BFAR: variants seen among roughly 807,000 people sequenced by gnomAD.
The protein encoded by BFAR is bifunctional apoptosis regulator, also known as RING finger protein 47.
Under a neutral mutation model 54.4 loss-of-function variants are expected in BFAR, and 52 were observed. The ratio of observed to expected loss-of-function variants is 0.96; its 90% confidence interval spans 0.77 to 1.21. The LOEUF (loss-of-function observed/expected upper bound fraction) is 1.21. Among genes scored for constraint, BFAR ranks in the 50% most tolerant of loss-of-function variants. The pLI is 0.00. For missense variants in BFAR, 571 were observed against 534.0 expected, an observed-to-expected ratio of 1.07 and a Z score of -0.68; for synonymous variants, 215 against 204.3, an observed-to-expected ratio of 1.05 and a Z score of -0.45.
chr16:14,650,660 G>C (rs1041326710), intron 4 of BFAR: 3 of 152,160 alleles, frequency 2.0e-5, no homozygotes, highest in Non-Finnish European at 2.9e-5. Context: ...GACATAACAT[G>C]TATCAGTACT....
chr16:14,651,841 C>CA (rs2151840128), intron 4 of BFAR, among the ~76,000 whole-genome samples: 2 of 149,484 alleles, frequency 1.3e-5, no homozygotes, highest in African/African-American at 4.9e-5. Context: ...GAAAGGAGAG[C>CA]AGGAGGTCAG....
chr16:14,638,310 A>C (rs1959516509), intron 1 of BFAR, among the ~76,000 whole-genome samples: 1 of 152,124 alleles, frequency 6.6e-6, no homozygotes, highest in African/African-American at 2.4e-5. Context: ...TGGAGCCCGA[A>C]AGTTCAAGCC....
intron 1 of BFAR, among the ~76,000 whole-genome samples, chr16:14,634,683 A>G (rs1403316381): frequency 2.0e-5 from 3 of 152,170 alleles, no homozygotes; most frequent in Admixed American, 1.3e-4. Context: ...TTTTTAAAGT[A>G]AACCTCCCAA....
At chr16:14,665,867 C>T (rs117590875) in intron 7 of BFAR, among the ~76,000 whole-genome samples, 5,509 of 152,244 alleles carry the variant, frequency 0.036, 143 homozygotes, top group Non-Finnish European at 0.052. Flanking sequence ...ATAAAGAGAT[C>T]TCATGGGAAA....
intron 7 of BFAR, 99 bp from the exon 8 acceptor site, chr16:14,667,536 C>A: frequency 8.8e-7 from 1 of 1,134,294 alleles, no homozygotes; most frequent in Non-Finnish European, 1.3e-6. Flanking sequence ...GCACGGGCAG[C>A]CATGCTCTTC....
rs780614016 is a variant in BFAR at position 14,644,614 on chromosome 16, T to G, written c.263+5T>G. The G allele has an allele frequency of 6.2e-7, 1 of 1,611,410 alleles. No individual in the cohort carries two copies. Among genetic ancestry groups the G allele is most frequent in the South Asian group, 1.1e-5 (1 of 91,068 alleles). On this transcript the variant is annotated splice_donor_5th_base_variant and intron_variant, in intron 2 of 7. Coordinates refer to ENST00000261658, the MANE Select transcript of BFAR (RefSeq NM_016561.3). ...CAAAGTCAGTATTCTCCTCAGGTAA[T>G]GTTCAGCCTATATTGGTAGCACAAA...
At chr16:14,644,194 A>G in intron 1 of BFAR, 80 bp from the exon 2 acceptor site, 1 of 788,644 alleles carries the variant, frequency 1.3e-6, no homozygotes, top group Non-Finnish European at 2.0e-6. Flanking sequence ...GCGCTTCAAT[A>G]GAATGTCAAT....
chr16:14,646,025 C>T (rs752152527), intron 2 of BFAR, among the ~76,000 whole-genome samples: 18 of 151,990 alleles, frequency 1.2e-4, no homozygotes, highest in East Asian at 1.9e-4. Flanking sequence ...CCTGCTACCA[C>T]GCCCAGCTAA....
rs759712745 is a variant in BFAR at position 14,644,581 on chromosome 16, G to T, written c.235G>T (p.Gly79Cys). The T allele has an allele frequency of 6.8e-6, 11 of 1,613,598 alleles. No individual in the cohort carries two copies. The highest frequency in any genetic ancestry group is 8.5e-6 in the Non-Finnish European group (10 of 1,179,960). ...ECPECREKWE[G>C]FPKVSILLRD... ...TCCAGAATGCAGAGAAAAATGGGAA[G>T]GTTTCCCCAAAGTCAGTATTCTCCT... Residue 79 changes from glycine to cysteine, a missense_variant, in exon 2 of 8, where the codon GGT becomes TGT. Gly to Cys is a radical substitution (Grantham distance 159). Transcript: ENST00000261658.
At chr16:14,659,126 C>T (rs1960211861) in intron 5 of BFAR, among the ~76,000 whole-genome samples, 1 of 152,062 alleles carries the variant, frequency 6.6e-6, no homozygotes, top group South Asian at 2.1e-4. Flanking sequence ...CCAGGCTGAT[C>T]TCAAACTGCT....
intron 1 of BFAR, among the ~76,000 whole-genome samples, chr16:14,636,792 C>G (rs2151834178): frequency 6.6e-6 from 1 of 152,354 alleles, no homozygotes; most frequent in South Asian, 2.1e-4. Flanking sequence ...CTTTCCTAGG[C>G]AGAGGTCCCT....
At chr16:14,655,274 T>A (rs1002753067) in intron 5 of BFAR, 64 bp downstream of exon 5, 19 of 1,144,836 alleles carry the variant, frequency 1.7e-5, no homozygotes, top group Admixed American at 1.5e-4. Flanking sequence ...TAATTTTTTT[T>A]AATTTCAGGG....
chr16:14,634,617 C>G (rs1195325614), intron 1 of BFAR, among the ~76,000 whole-genome samples: 1 of 152,114 alleles, frequency 6.6e-6, no homozygotes, highest in Non-Finnish European at 1.5e-5. Flanking sequence ...TCCCTTGAGC[C>G]CAGGAGACCA....
chr16:14,637,742 T>A (rs532323270), intron 1 of BFAR, among the ~76,000 whole-genome samples: 7 of 151,580 alleles, frequency 4.6e-5, no homozygotes, highest in Admixed American at 1.3e-4. Context: ...GGCAGGAGAA[T>A]CGCTTGAACA....
At chr16:14,640,170 A>AAG (rs796299980) in intron 1 of BFAR, among the ~76,000 whole-genome samples, 16 of 151,226 alleles carry the variant, frequency 1.1e-4, no homozygotes, top group African/African-American at 3.6e-4. Flanking sequence ...AAAAAAGAAG[A>AAG]AGAGAGAGAG....
intron 5 of BFAR, among the ~76,000 whole-genome samples, chr16:14,660,661 G>T (rs1231002886): frequency 1.4e-5 from 2 of 145,856 alleles, no homozygotes; most frequent in African/African-American, 5.0e-5. Context: ...AGCACTTTGG[G>T]AGACCGAGGC....
chr16:14,667,817 A>G lies in BFAR; in HGVS notation c.1343A>G (p.Gln448Arg). ...VVKELRRLET[Q>R]VL ...AAGGAACTCCGGCGGCTGGAAACCCAGGTGTTGTGACTGGCACTGCCCAGG... is the reference window on the plus strand; with the variant it reads ...AAGGAACTCCGGCGGCTGGAAACCCGGGTGTTGTGACTGGCACTGCCCAGG... Residue 448 changes from glutamine to arginine, a missense_variant, in exon 8 of 8, where the codon CAG becomes CGG. Transcript: ENST00000261658. 6.2e-7 allele frequency: 1 copy of G among 1,614,062 alleles called. No individual in the cohort carries two copies.
chr16:14,650,034 T>G, intron 4 of BFAR, 61 bp downstream of exon 4: 1 of 1,523,540 alleles, frequency 6.6e-7, no homozygotes, highest in Admixed American at 2.0e-5. Flanking sequence ...TCTTGAGATA[T>G]AATCCAGGCC....
At chr16:14,654,277 C>T (rs930669805) in intron 4 of BFAR, among the ~76,000 whole-genome samples, 1 of 151,718 alleles carries the variant, frequency 6.6e-6, no homozygotes, top group Non-Finnish European at 1.5e-5. Flanking sequence ...TCCCAAAGTG[C>T]GAACTATTCT....
Sources: gnomAD v4.1 joint callset for allele counts (sites outside exome capture counted in the v4.1 genomes callset) on GRCh38, gnomAD v4.1.1 for gene constraint, MANE v1.5 for transcripts, NCBI Gene and HGNC (gene_info 2026-07-23, HGNC 2026-07-21) for gene names.